The following EFNB2 variants were observed in gnomAD, a reference collection of about 807,000 sequenced individuals.
The protein encoded by EFNB2 is ephrin-B2.
In EFNB2, 5 loss-of-function variants were observed where a neutral mutation model predicts 32.1. The observed-to-expected ratio is 0.16, with a 90% confidence interval of 0.08 to 0.33. The LOEUF is 0.33. Ranked by LOEUF, EFNB2 falls within the 10% of genes least tolerant of loss-of-function variation. The pLI, the probability that EFNB2 is intolerant of heterozygous loss-of-function variation, is 1.00. For synonymous variants in EFNB2, 168 were observed against 166.5 expected (o/e 1.01, Z -0.07); for missense variants, 263 against 422.6 (o/e 0.62, Z 3.31).
intron 1 of EFNB2, chr13:106,520,015 T>G (rs1879446760): frequency 6.6e-6 from 1 of 152,294 alleles, no homozygotes; most frequent in Admixed American, 6.5e-5. Flanking sequence ...AGTAACAAAC[T>G]TGTTTACTCA....
chr13:106,525,667 C>G (rs1879675595), intron 1 of EFNB2, among the ~76,000 whole-genome samples: 1 of 152,176 alleles, frequency 6.6e-6, no homozygotes, highest in South Asian at 2.1e-4. Flanking sequence ...TGTTTCCGGA[C>G]CCCTCCAGAG....
In EFNB2 at chr13:106,535,425, CCGCGTCGGCGCGG is replaced by C. The variant is rs1880045401; in HGVS notation, c.-474_-462del. On this transcript the variant is annotated 5_prime_UTR_variant, in exon 1 of 5. An upstream open reading frame in the 5' UTR loses its in-frame stop. Transcript: ENST00000646441. Reference sequence around the variant, plus strand: ...GGGCAGCGGCCCGAGCGCGCGGGCGCCGCGTCGGCGCGGTTCCATGTCCCGGAGCACGGAGCGG... The same window carrying C: ...GGGCAGCGGCCCGAGCGCGCGGGCGCTTCCATGTCCCGGAGCACGGAGCGG... 1 of 149,980 alleles carries C rather than the reference CCGCGTCGGCGCGG, an allele frequency of 6.7e-6. No homozygotes were observed. Among genetic ancestry groups the C allele is most frequent in the Non-Finnish European group, 1.5e-5 (1 of 67,422 alleles). 9.3% of individuals were successfully genotyped at this position (149,980 alleles called of 1,614,324 possible). A position where few individuals can be genotyped will look rare whatever the true frequency, so the allele number is the denominator to read the frequency against.
intron 2 of EFNB2, among the ~76,000 whole-genome samples, chr13:106,501,600 T>TC (rs1368869293): frequency 6.6e-6 from 1 of 151,712 alleles, no homozygotes; most frequent in Admixed American, 6.6e-5. Flanking sequence ...ATTTTCCTTT[T>TC]TTTTTTTTTT....
rs796131235 is a variant in EFNB2 at position 106,502,067 on chromosome 13, A to C, written c.407-6227T>G. Among the ~76,000 whole-genome samples the C allele has an allele frequency of 9.9e-5, 15 of 152,280 alleles. 1 individual carries two copies. The highest frequency in any genetic ancestry group is 3.4e-4 in the African/African-American group (14 of 41,552). On this transcript the variant is annotated intron_variant, in intron 2 of 4. Transcript: ENST00000646441. ...GTGATGTAGGATGTGTGAGTTTTTCACCCGTGAAAATATCGTTCAATATGA... is the reference window on the plus strand; with the variant it reads ...GTGATGTAGGATGTGTGAGTTTTTCCCCCGTGAAAATATCGTTCAATATGA...
At chr13:106,527,266 A>G (rs754715874) in intron 1 of EFNB2, among the ~76,000 whole-genome samples, 98 of 151,784 alleles carry the variant, frequency 6.5e-4, no homozygotes, top group Non-Finnish European at 1.2e-3. Flanking sequence ...ATAAATAAAT[A>G]ATTATAATAA....
At chr13:106,521,741 A>G (rs995184240) in intron 1 of EFNB2, 3 of 150,154 alleles carry the variant, frequency 2.0e-5, no homozygotes, top group Non-Finnish European at 3.0e-5. Context: ...GCTCAAAGAC[A>G]GTATTCTCAT....
chr13:106,535,120 G>C lies in EFNB2; in HGVS notation c.-156C>G, dbSNP rs1880027413. 1.1e-6 allele frequency: 1 copy of C among 904,464 alleles called. No homozygotes were observed. The allele number at this position is 904,464 out of a possible 1,614,324, so 56.0% of individuals were successfully genotyped here. On this transcript the variant is annotated 5_prime_UTR_variant, in exon 1 of 5. Transcript: ENST00000646441. ...GCTGCGCAGCTCCAGCGGTCGCCGG[G>C]CCAGGTGCGCTCGCTCTCCGGGGCC... is the stretch of plus-strand genomic sequence containing the variant.
chr13:106,517,984 C>T (rs1397005249), intron 1 of EFNB2: 2 of 152,196 alleles, frequency 1.3e-5, no homozygotes, highest in African/African-American at 2.4e-5. Flanking sequence ...GTAATCTAAA[C>T]TGGATCTCTA....
At chr13:106,500,319 T>C (rs966642780) in intron 2 of EFNB2, among the ~76,000 whole-genome samples, 5 of 152,150 alleles carry the variant, frequency 3.3e-5, no homozygotes, top group Admixed American at 1.3e-4. Flanking sequence ...TTTGCACCGA[T>C]ATATGGGTCT....
At chr13:106,523,268 TC>T (rs1350816987) in intron 1 of EFNB2, among the ~76,000 whole-genome samples, 5 of 152,050 alleles carry the variant, frequency 3.3e-5, no homozygotes, top group Non-Finnish European at 7.4e-5. Context: ...GTTCCTGACT[TC>T]CATACGGATC....
intron 1 of EFNB2, among the ~76,000 whole-genome samples, chr13:106,524,926 C>T (rs977485293): frequency 6.6e-6 from 1 of 152,100 alleles, no homozygotes; most frequent in Non-Finnish European, 1.5e-5. Context: ...GGCAGGTAAA[C>T]AAAATAAATT....
chr13:106,513,398 C>A (rs1282390268), intron 1 of EFNB2, among the ~76,000 whole-genome samples: 1 of 152,208 alleles, frequency 6.6e-6, no homozygotes, highest in Admixed American at 6.5e-5. Context: ...CAATGTCTTA[C>A]AAATGCGTAA....
At chr13:106,528,492 C>A (rs1045653622) in intron 1 of EFNB2, among the ~76,000 whole-genome samples, 16 of 150,134 alleles carry the variant, frequency 1.1e-4, no homozygotes, top group South Asian at 6.3e-4. Flanking sequence ...ACAACAACAA[C>A]AACAAAAAAA....
At chr13:106,533,552 T>G (rs1812344047) in intron 1 of EFNB2, among the ~76,000 whole-genome samples, 2 of 152,196 alleles carry the variant, frequency 1.3e-5, no homozygotes, top group Non-Finnish European at 2.9e-5. Flanking sequence ...GTAACCGACG[T>G]TTTCGCCCTT....
intron 1 of EFNB2, among the ~76,000 whole-genome samples, chr13:106,533,996 T>G (rs1350464076): frequency 6.6e-6 from 1 of 152,018 alleles, no homozygotes; most frequent in Non-Finnish European, 1.5e-5. Flanking sequence ...GGCTGTAGAG[T>G]CCGGTAAGAG....
intron 1 of EFNB2, chr13:106,520,399 G>A (rs1185584264): frequency 6.6e-6 from 1 of 152,210 alleles, no homozygotes; most frequent in Admixed American, 6.5e-5. Context: ...GATGCACGCT[G>A]CTCTGGATAA....
At chr13:106,510,160 T>C (rs1879093130) in intron 2 of EFNB2, 1 of 152,212 alleles carries the variant, frequency 6.6e-6, no homozygotes, top group Non-Finnish European at 1.5e-5. Flanking sequence ...AGTAGTTCAG[T>C]AACTGCAATG....
At chr13:106,516,884 G>A (rs1879330006) in intron 1 of EFNB2, 1 of 152,184 alleles carries the variant, frequency 6.6e-6, no homozygotes, top group Admixed American at 6.5e-5. Flanking sequence ...ATGGACTCCA[G>A]ACAATTATGC....
rs116403632 is a variant in EFNB2 at position 106,525,425 on chromosome 13, G to T, written c.122+9418C>A. On this transcript the variant is annotated intron_variant, in intron 1 of 4. Transcript: ENST00000646441. Reference sequence around the variant, plus strand: ...GGTACTGATAATTCTCACGTGAACAGGTAGCTGAAATCAGTGGCTTAGCTG... The same window carrying T: ...GGTACTGATAATTCTCACGTGAACATGTAGCTGAAATCAGTGGCTTAGCTG... 4.3e-3 allele frequency among the ~76,000 whole-genome samples: 648 copies of T among 152,304 alleles called. 4 individuals are homozygous for T. Among genetic ancestry groups the T allele is most frequent in the African/African-American group, 0.015 (624 of 41,578 alleles).
Sources: gnomAD v4.1 joint callset for allele counts (sites outside exome capture counted in the v4.1 genomes callset) on GRCh38, gnomAD v4.1.1 for gene constraint, MANE v1.5 for transcripts, NCBI Gene and HGNC (gene_info 2026-07-23, HGNC 2026-07-21) for gene names.